Variants in TAF4B observed in about 807,000 individuals in gnomAD.
TAF4B encodes the protein TATA-box binding protein associated factor 4b, also known as transcription initiation factor TFIID subunit 4B.
In TAF4B, 38 loss-of-function variants were observed where a neutral mutation model predicts 86.4. That is an observed-to-expected ratio of 0.44 (90% CI 0.34 to 0.58). The LOEUF (loss-of-function observed/expected upper bound fraction) is 0.58, where lower values mean the gene tolerates loss of function less well. TAF4B is among the 20% of genes least tolerant of loss of function. The pLI is 0.02. For synonymous variants in TAF4B, 388 were observed against 391.2 expected, an observed-to-expected ratio of 0.99 and a Z score of 0.10; for missense variants, 988 against 1,027.6, an observed-to-expected ratio of 0.96 and a Z score of 0.53.
chr18:26,291,706 C>A (rs1374319629), intron 7 of TAF4B, among the ~76,000 whole-genome samples: 2,050 of 111,048 alleles, frequency 0.018, no homozygotes, highest in African/African-American at 0.023. Flanking sequence ...GACTCTGTCT[C>A]AAAAAAAAAA....
intron 13 of TAF4B, among the ~76,000 whole-genome samples, chr18:26,344,166 C>T (rs778141288): frequency 5.9e-5 from 9 of 152,018 alleles, no homozygotes; most frequent in Non-Finnish European, 1.3e-4. Context: ...AGCTGAATAG[C>T]GGATAGAAAT....
chr18:26,358,039 C>G (rs2057301989), intron 14 of TAF4B, among the ~76,000 whole-genome samples: 1 of 152,136 alleles, frequency 6.6e-6, no homozygotes, highest in Non-Finnish European at 1.5e-5. Flanking sequence ...TCCCCCATCT[C>G]CAGTCATATT....
intron 10 of TAF4B, among the ~76,000 whole-genome samples, chr18:26,319,792 G>C (rs1399668299): frequency 1.3e-5 from 2 of 152,098 alleles, no homozygotes; most frequent in African/African-American, 4.8e-5. Context: ...GTTTCACCGT[G>C]TTAGTCAGGC....
intron 10 of TAF4B, among the ~76,000 whole-genome samples, chr18:26,316,619 C>T (rs954696009): frequency 2.6e-5 from 4 of 152,130 alleles, no homozygotes; most frequent in African/African-American, 9.7e-5. Context: ...TTGAGCTCTT[C>T]ACCTCAGGTG....
intron 14 of TAF4B, among the ~76,000 whole-genome samples, chr18:26,375,845 A>C (rs1055650892): frequency 1.3e-5 from 2 of 152,124 alleles, no homozygotes; most frequent in African/African-American, 4.8e-5. Flanking sequence ...TAGCTCTTAC[A>C]TTTACATCTT....
At chr18:26,294,247 C>T (rs549301108) in intron 9 of TAF4B, among the ~76,000 whole-genome samples, 12 of 152,068 alleles carry the variant, frequency 7.9e-5, no homozygotes, top group Admixed American at 6.5e-4. Context: ...TGATGATGAG[C>T]GTTCTAGTTC....
chr18:26,372,960 C>CAAA (rs55712756), intron 14 of TAF4B, among the ~76,000 whole-genome samples: 15 of 138,576 alleles, frequency 1.1e-4, no homozygotes, highest in African/African-American at 2.7e-4. Flanking sequence ...GACTCTGTCT[C>CAAA]AAAAAAAAAA....
At chr18:26,229,480 ATCTT>A (rs201699016) in intron 1 of TAF4B, among the ~76,000 whole-genome samples, 259 of 147,812 alleles carry the variant, frequency 1.8e-3, no homozygotes, top group African/African-American at 6.2e-3. Context: ...TTTCTTTTAT[ATCTT>A]TCTTTCTTTC....
intron 13 of TAF4B, among the ~76,000 whole-genome samples, chr18:26,349,182 G>A (rs1301068846): frequency 2.0e-5 from 3 of 151,976 alleles, no homozygotes; most frequent in Admixed American, 6.6e-5. Flanking sequence ...CTGAAGTTTG[G>A]GGTACGATTG....
intron 14 of TAF4B, among the ~76,000 whole-genome samples, chr18:26,359,231 T>G (rs533300465): frequency 6.6e-6 from 1 of 152,338 alleles, no homozygotes; most frequent in East Asian, 1.9e-4. Context: ...TTACTGTATT[T>G]AAGTAAACCA....
At chr18:26,364,526 A>C (rs2057356397) in intron 14 of TAF4B, among the ~76,000 whole-genome samples, 2 of 152,326 alleles carry the variant, frequency 1.3e-5, no homozygotes, top group South Asian at 4.1e-4. Context: ...TTAAAACATT[A>C]ATCACTTTAC....
At chr18:26,247,942 C>A (rs2055950841) in intron 1 of TAF4B, among the ~76,000 whole-genome samples, 1 of 147,572 alleles carries the variant, frequency 6.8e-6, no homozygotes, top group African/African-American at 2.5e-5. Flanking sequence ...TTAGTACAAT[C>A]AGGGCTCACT....
chr18:26,250,226 G>T (rs528618473), intron 1 of TAF4B, among the ~76,000 whole-genome samples: 1 of 152,082 alleles, frequency 6.6e-6, no homozygotes, highest in Admixed American at 6.5e-5. Context: ...TGCTGGGCGC[G>T]GTGGCTCACG....
chr18:26,322,930 G>A (rs1003510876), intron 11 of TAF4B, among the ~76,000 whole-genome samples: 1 of 152,000 alleles, frequency 6.6e-6, no homozygotes, highest in African/African-American at 2.4e-5. Flanking sequence ...TTGGTATGTT[G>A]TGTTGTCGTT....
At position 26,226,879 on chromosome 18, in the gene TAF4B, C is replaced by T; in HGVS notation, c.-55C>T. The T allele has an allele frequency of 7.6e-7, 1 of 1,311,184 alleles. No homozygotes were observed. The highest frequency in any genetic ancestry group is 9.7e-7 in the Non-Finnish European group (1 of 1,027,408). The allele number at this position is 1,311,184 out of a possible 1,614,324, so 81.2% of individuals were successfully genotyped here. On this transcript the variant is annotated 5_prime_UTR_variant, in exon 1 of 15. Coordinates refer to ENST00000269142, the MANE Select transcript of TAF4B (RefSeq NM_005640.3). The stretch of plus-strand genomic sequence containing the variant: ...GTCGGCTGCCGCGCGCCAAGCCTCC[C>T]CTCACCTCTGCTCCCGGAACCGCAG...
chr18:26,326,885 C>A, intron 11 of TAF4B, 130 bp from the exon 12 acceptor site: 1 of 1,068,740 alleles, frequency 9.4e-7, no homozygotes. Flanking sequence ...GAAACAAAAT[C>A]ATTACCTTCT....
intron 10 of TAF4B, among the ~76,000 whole-genome samples, chr18:26,320,099 AT>A (rs1245040677): frequency 6.6e-6 from 1 of 152,192 alleles, no homozygotes; most frequent in Non-Finnish European, 1.5e-5. Flanking sequence ...TAATTCAAGC[AT>A]ATTTTTTCTG....
chr18:26,299,622 A>G (rs771695902), intron 9 of TAF4B, among the ~76,000 whole-genome samples: 30 of 152,140 alleles, frequency 2.0e-4, no homozygotes, highest in Non-Finnish European at 4.0e-4. Flanking sequence ...AAATGTATGA[A>G]TGAATTTACC....
chr18:26,304,750 C>A (rs1380683939), intron 9 of TAF4B: 1 of 985,276 alleles, frequency 1.0e-6, no homozygotes, highest in Non-Finnish European at 1.2e-6. Context: ...CTGATTTTTA[C>A]TGACACCTTT....
Sources: allele counts gnomAD v4.1 joint callset (sites outside exome capture counted in the v4.1 genomes callset), GRCh38; gene constraint gnomAD v4.1.1; transcripts MANE v1.5; gene names NCBI Gene and HGNC (gene_info 2026-07-23, HGNC 2026-07-21).